NOS2: variants seen among roughly 807,000 people sequenced by gnomAD.
NOS2 encodes the protein nitric oxide synthase, inducible.
A neutral mutation model predicts 136.0 loss-of-function variants in NOS2; 96 were observed. The observed-to-expected ratio is 0.71, with a 90% CI of 0.60 to 0.84. The LOEUF (loss-of-function observed/expected upper bound fraction) is 0.84, where lower values mean the gene tolerates loss of function less well. NOS2 is among the 40% of genes least tolerant of loss of function. NOS2 has a pLI of 0.00. For synonymous variants in NOS2, 539 were observed against 587.5 expected (o/e 0.92, Z 1.20); for missense variants, 1,237 against 1,496.9 (o/e 0.83, Z 2.87).
chr17:27,767,584 G>A, intron 18 of NOS2, 121 bp downstream of exon 18: 12 of 1,192,492 alleles, frequency 1.0e-5, no homozygotes, highest in Non-Finnish European at 1.4e-5. Flanking sequence ...TGCATGCAGT[G>A]AGAGGGAGGC....
rs869055216 is a variant in NOS2, at chr17:27,791,769, G to GAAAAAAA, written c.111-2088_111-2082dup. Among the ~76,000 whole-genome samples the GAAAAAAA allele has an allele frequency of 5.1e-4, 57 of 110,948 alleles. 2 individuals carry two copies. The highest frequency in any genetic ancestry group is 8.8e-4 in the South Asian group (3 of 3,426). 72.8% of individuals were successfully genotyped at this position (110,948 alleles called of 152,430 possible). A position where few individuals can be genotyped will look rare whatever the true frequency, so the allele number is the denominator to read the frequency against. The stretch of plus-strand genomic sequence containing the variant: ...TGGTCTAGACTGGTGTGGCCTGCCA[G>GAAAAAAA]AAAAAAACAAAACAAAACAAAACAA... On this transcript the variant is annotated intron_variant, in intron 2 of 26. Transcript: ENST00000313735.
intron 5 of NOS2, among the ~76,000 whole-genome samples, chr17:27,786,258 T>C (rs1386886041): frequency 6.9e-6 from 1 of 144,336 alleles, no homozygotes; most frequent in Non-Finnish European, 1.5e-5. Flanking sequence ...CCATCTCAAC[T>C]AAAAATAAAA....
chr17:27,770,150 C>G (rs1908444600), intron 15 of NOS2, among the ~76,000 whole-genome samples: 1 of 152,130 alleles, frequency 6.6e-6, no homozygotes. Flanking sequence ...GCTAATAGAC[C>G]TTTAATACCT....
chr17:27,771,703 A>G (rs1908500611), intron 14 of NOS2, among the ~76,000 whole-genome samples: 2 of 151,986 alleles, frequency 1.3e-5, no homozygotes, highest in African/African-American at 4.8e-5. Context: ...CCTGTCTAAC[A>G]GTCAGGTTCC....
intron 2 of NOS2, among the ~76,000 whole-genome samples, chr17:27,798,146 C>T (rs1464452454): frequency 1.3e-5 from 2 of 152,076 alleles, no homozygotes; most frequent in African/African-American, 4.8e-5. Context: ...TGGTGAGGGC[C>T]CCCTTGGGTT....
At chr17:27,772,627 C>T (rs1161844333) in intron 13 of NOS2, among the ~76,000 whole-genome samples, 175 bp from the exon 14 acceptor site, 1 of 152,188 alleles carries the variant, frequency 6.6e-6, no homozygotes, top group Non-Finnish European at 1.5e-5. Context: ...CCTCCCCTCA[C>T]CCACTACTAT....
rs1908189462 is a variant in NOS2, at chr17:27,763,133, C to T, written c.2593-128G>A. 5.9e-6 allele frequency: 4 copies of T among 674,612 alleles called. No homozygotes were observed. In the South Asian group the frequency reaches 7.8e-5, roughly 13 times the overall value. The allele number at this position is 674,612 out of a possible 1,614,324, so 41.8% of individuals were successfully genotyped here. ...ACAAGTCCATGTGCCAGGCACTGTCCATGGTGCTGAGACGACCAAACTTGA... is the reference window on the plus strand; with the variant it reads ...ACAAGTCCATGTGCCAGGCACTGTCTATGGTGCTGAGACGACCAAACTTGA... On this transcript the variant is annotated intron_variant, in intron 21 of 26. Transcript: ENST00000313735.
Position 27,768,309 on chromosome 17 carries a change from C to T in NOS2, c.2035-472G>A, listed in dbSNP as rs543304702. On this transcript the variant is annotated intron_variant, in intron 17 of 26. Coordinates refer to ENST00000313735, the MANE Select transcript of NOS2 (RefSeq NM_000625.4). The stretch of plus-strand genomic sequence containing the variant: ...CAAGCAATCTGCCCACCTCAGCCTC[C>T]TAAAGTGCTTGGATTGCAGGCATGC... Among the ~76,000 whole-genome samples, 5 of 152,314 alleles carry T rather than the reference C, an allele frequency of 3.3e-5. No individual in the cohort carries two copies. The South Asian group carries it at 1.0e-3, about 32-fold the overall frequency.
intron 11 of NOS2, among the ~76,000 whole-genome samples, chr17:27,776,358 G>A (rs1238965947): frequency 6.6e-6 from 1 of 152,156 alleles, no homozygotes; most frequent in Non-Finnish European, 1.5e-5. Context: ...ACTCCTGGGA[G>A]CCAGATCAGT....
chr17:27,762,244 C>G (rs569572948), intron 22 of NOS2, among the ~76,000 whole-genome samples: 4 of 152,336 alleles, frequency 2.6e-5, no homozygotes, highest in East Asian at 3.9e-4. Context: ...ACTGCCGCCT[C>G]TAGATGCTCC....
Position 27,772,339 on chromosome 17 carries a change from C to T in NOS2, c.1673G>A (p.Gly558Glu). ...GKSEALAWDL[G>E]ALFSCAFNPK... ...GTTGAAGGCACAGCTGAATAAGGCC[C>T]CCAGGTCCCAGGCCAGCGCCTCTGA... Residue 558 changes from glycine (G) to glutamate (E), a missense_variant, in exon 14 of 27, where the codon GGG (glycine) becomes GAG (glutamate). By Grantham distance (98) the Gly-to-Glu change is moderately conservative. This residue lies in a region of NOS2 where 782 missense variants were observed against 909.9 expected (regional missense o/e 0.86). Coordinates refer to ENST00000313735, the MANE Select transcript of NOS2 (RefSeq NM_000625.4). 6.2e-7 allele frequency: 1 copy of T among 1,614,142 alleles called. No individual in the cohort carries two copies. Among genetic ancestry groups the T allele is most frequent in the Non-Finnish European group, 8.5e-7 (1 of 1,180,048 alleles).
At chr17:27,765,952 T>A (rs1316084667) in intron 19 of NOS2, among the ~76,000 whole-genome samples, 3 of 152,200 alleles carry the variant, frequency 2.0e-5, no homozygotes, top group African/African-American at 7.2e-5. Flanking sequence ...CAGCAGCCCT[T>A]GGAGCCCCCC....
Position 27,788,884 on chromosome 17 carries a change from G to A in NOS2, c.243C>T (p.Ser81=), listed in dbSNP as rs1269591390. The A allele has an allele frequency of 6.2e-7, 1 of 1,614,166 alleles. No individual in the cohort carries two copies. Among genetic ancestry groups the A allele is most frequent in the South Asian group, 1.1e-5 (1 of 91,070 alleles). The change falls in exon 4 of 27, where the codon TCC becomes TCT. Residue 81 remains serine (S), a synonymous_variant. Transcript: ENST00000313735. ...LVKLDATPLS[S]PRHVRIKNWG... ...AGTTTTTGATCCTCACATGCCGTGG[G>A]GAGGACAATGGGGTTGCATCCAGCT...
chr17:27,768,723 C>A (rs917605357), intron 17 of NOS2, among the ~76,000 whole-genome samples: 2 of 152,222 alleles, frequency 1.3e-5, no homozygotes, highest in Non-Finnish European at 2.9e-5. Context: ...ACTAGAAGCT[C>A]CCTAAGGGCA....
rs1286987518 is a variant in NOS2, at chr17:27,772,450, G to T, written c.1562C>A (p.Ala521Asp). Residue 521 changes from alanine to aspartate, a missense_variant and splice_region_variant, in exon 14 of 27, where the codon GCT becomes GAT. This residue lies in a region of NOS2 where 782 missense variants were observed against 909.9 expected (regional missense o/e 0.86). Coordinates refer to ENST00000313735, the MANE Select transcript of NOS2 (RefSeq NM_000625.4). ...CATCAGCATACAGGCAAAGAGCACA[G>T]CTCTGTGGGGACAGACAGACAGGCA... ...REIPLKVLVKAVLFACMLMRK... is the reference protein window; with the variant it reads ...REIPLKVLVKDVLFACMLMRK... The T allele has an allele frequency of 1.2e-6, 2 of 1,613,934 alleles. No individual in the cohort carries two copies. The highest frequency in any genetic ancestry group is 3.3e-5 in the Admixed American group (2 of 60,022).
rs1225426546 is a variant in NOS2 at position 27,782,985 on chromosome 17, C to T, written c.589G>A (p.Ala197Thr). The T allele has an allele frequency of 1.2e-6, 2 of 1,614,204 alleles. No homozygotes were observed. The highest frequency in any genetic ancestry group is 1.7e-6 in the Non-Finnish European group (2 of 1,180,040). The stretch of plus-strand genomic sequence containing the variant: ...TGGATCCTCCCAATGCAGCGTGGGG[C>T]ATTGCGCCAGGCCTGCTTGGTGGCG... ...IFATKQAWRN[A>T]PRCIGRIQWS... Residue 197 changes from alanine (A) to threonine (T), a missense_variant, in exon 6 of 27, where the codon GCC becomes ACC. Ala to Thr is a moderately conservative substitution (Grantham distance 58). This residue lies in a region of NOS2 where 440 missense variants were observed against 545.4 expected (regional missense o/e 0.81). Transcript: ENST00000313735.
At position 27,771,426 on chromosome 17, in the gene NOS2, T is replaced by C. The variant is rs189186858; in HGVS notation, c.1705-409A>G. Among the ~76,000 whole-genome samples the C allele has an allele frequency of 2.1e-4, 32 of 152,374 alleles. No individual in the cohort carries two copies. In the East Asian group the frequency reaches 5.6e-3, roughly 27 times the overall value. ...GAAATGTGCCCTCATCTTGCTGTTC[T>C]ATCCAGGCCCACCCAGCGGAGGATG... On this transcript the variant is annotated intron_variant, in intron 14 of 26. Coordinates refer to ENST00000313735, the MANE Select transcript of NOS2 (RefSeq NM_000625.4).
In NOS2 at chr17:27,781,089, G is replaced by T. The variant is rs1430649943; in HGVS notation, c.811C>A (p.Gln271Lys). Reference sequence around the variant, plus strand: ...CCTCTGATGCTGCCATCTGGCATCTGGTAGCCAGCATAGCGGATGAGCTGA... The same window carrying T: ...CCTCTGATGCTGCCATCTGGCATCTTGTAGCCAGCATAGCGGATGAGCTGA... ...NAQLIRYAGY[Q>K]MPDGSIRGDP... is the part of the protein sequence containing the mutation. Residue 271 changes from glutamine to lysine, a missense_variant, in exon 8 of 27, where the codon CAG (glutamine) becomes AAG (lysine). This residue lies in a region of NOS2 where 440 missense variants were observed against 545.4 expected (regional missense o/e 0.81). Transcript: ENST00000313735. The T allele has an allele frequency of 1.2e-6, 2 of 1,613,800 alleles. No homozygotes were observed. The highest frequency in any genetic ancestry group is 2.2e-5 in the East Asian group (1 of 44,886).
chr17:27,766,572 A>C lies in NOS2; in HGVS notation c.2184T>G (p.His728Gln), dbSNP rs758847346. Residue 728 changes from histidine (H) to glutamine (Q), a missense_variant, in exon 19 of 27, where the codon CAT becomes CAG. Around this residue, in one of 3 missense-constraint regions of NOS2, gnomAD observed 782 missense variants for 909.9 expected, o/e 0.86. Coordinates refer to ENST00000313735, the MANE Select transcript of NOS2 (RefSeq NM_000625.4). Reference sequence around the variant, plus strand: ...GCCTCATGGTGAACACGTTCTTGGCATGCATGCTGCTGAGGGCTGTGGAGG... The same window carrying C: ...GCCTCATGGTGAACACGTTCTTGGCCTGCATGCTGCTGAGGGCTGTGGAGG... ...LDLSKALSSM[H>Q]AKNVFTMRLK... 8.1e-5 allele frequency: 131 copies of C among 1,614,020 alleles called. 2 individuals are homozygous for C. In the South Asian group the frequency reaches 1.4e-3, roughly 18 times the overall value.
Sources: allele counts gnomAD v4.1 joint callset (sites outside exome capture counted in the v4.1 genomes callset), GRCh38; gene constraint gnomAD v4.1.1; regional missense constraint gnomAD v4.1.1; transcripts MANE v1.5; gene names NCBI Gene and HGNC (gene_info 2026-07-23, HGNC 2026-07-21).